The following EPS8 variants were observed in gnomAD, a reference collection of about 807,000 sequenced individuals.
EPS8 encodes EGFR pathway substrate 8, signaling adaptor, also known as epidermal growth factor receptor kinase substrate 8.
In EPS8, 42 loss-of-function variants were observed where a neutral mutation model predicts 103.8. The observed-to-expected ratio is 0.40, with a 90% CI of 0.32 to 0.52. The LOEUF is 0.52. Among genes scored for constraint, EPS8 ranks in the 20% least tolerant of loss-of-function variants. The pLI is 0.40. For synonymous variants in EPS8, 344 were observed against 344.6 expected, an observed-to-expected ratio of 1.00 and a Z score of 0.02; for missense variants, 969 against 1,005.1, an observed-to-expected ratio of 0.96 and a Z score of 0.49.
intron 17 of EPS8, among the ~76,000 whole-genome samples, chr12:15,640,261 T>C (rs1945205680): frequency 6.6e-6 from 1 of 152,124 alleles, no homozygotes; most frequent in Non-Finnish European, 1.5e-5. Context: ...GAGTGCAAGT[T>C]CAAGGCTGGT....
rs1946719681 is a variant in EPS8, at chr12:15,731,829, T to C, written c.-21-48857A>G. Among the ~76,000 whole-genome samples the C allele has an allele frequency of 6.6e-6, 1 of 152,086 alleles. No homozygotes were observed. The highest frequency in any genetic ancestry group is 2.1e-4 in the South Asian group (1 of 4,832). On this transcript the variant is annotated intron_variant, in intron 1 of 20. Coordinates refer to ENST00000281172, the MANE Select transcript of EPS8 (RefSeq NM_004447.6). This position sits in a 1 kb window ranked among gnomAD's most constrained non-coding sequence, Gnocchi z 5.1. ...ACAGCTTGTGCAGTCATATTCTGAA[T>C]GAAAAACAGAAGATAAAGTGTGTGT... is the stretch of plus-strand genomic sequence containing the variant.
At chr12:15,639,144 T>C (rs532766309) in intron 17 of EPS8, among the ~76,000 whole-genome samples, 2 of 152,364 alleles carry the variant, frequency 1.3e-5, no homozygotes, top group East Asian at 1.9e-4. Flanking sequence ...GGATATCCTT[T>C]ATGAATAGTG....
intron 1 of EPS8, among the ~76,000 whole-genome samples, chr12:15,709,522 T>G (rs1946433439): frequency 6.6e-6 from 1 of 152,224 alleles, no homozygotes; most frequent in African/African-American, 2.4e-5. Flanking sequence ...AGTTACACAC[T>G]GGACATTGAA....
intron 1 of EPS8, among the ~76,000 whole-genome samples, chr12:15,705,752 G>A (rs1164809477): frequency 6.6e-6 from 1 of 152,136 alleles, no homozygotes; most frequent in Non-Finnish European, 1.5e-5. Context: ...TCTTGGAAAT[G>A]AGCCCAGTGA....
At chr12:15,621,844 C>G (rs555537360) in intron 20 of EPS8, among the ~76,000 whole-genome samples, 1 of 152,242 alleles carries the variant, frequency 6.6e-6, no homozygotes, top group South Asian at 2.1e-4. Flanking sequence ...TCAGAATTCA[C>G]CCAGTTTCCC....
intron 12 of EPS8, among the ~76,000 whole-genome samples, chr12:15,656,882 A>G (rs1370317963): frequency 6.6e-6 from 1 of 152,156 alleles, no homozygotes; most frequent in Non-Finnish European, 1.5e-5. Context: ...GCTCTTGCAC[A>G]GTATATCCAA....
rs1004549613 is a variant in EPS8, at chr12:15,623,300, A to G, written c.2226-13T>C. 9 of 1,577,634 alleles carry G rather than the reference A, an allele frequency of 5.7e-6. No homozygotes were observed. The African/African-American group carries it at 1.1e-4, about 19-fold the overall frequency. ...ACTATTGACAGTCCTAAAAAAAAAA[A>G]AAGGAAAAAGAAACTGAGCATTAAA... is the stretch of plus-strand genomic sequence containing the variant. On this transcript the variant is annotated splice_polypyrimidine_tract_variant and intron_variant, in intron 19 of 20. Transcript: ENST00000281172.
At chr12:15,672,495 C>T (rs1368683241) in intron 3 of EPS8, 2 of 398,298 alleles carry the variant, frequency 5.0e-6, no homozygotes, top group African/African-American at 4.1e-5. Flanking sequence ...GAAGTATGAT[C>T]CATCTGGTCC....
rs551829415 is a variant in EPS8 at position 15,626,561 on chromosome 12, G to A, written c.2045-2154C>T. On this transcript the variant is annotated intron_variant, in intron 18 of 20. Coordinates refer to ENST00000281172, the MANE Select transcript of EPS8 (RefSeq NM_004447.6). ...GGAGAATCTCTTGAACCCAGGAGGC[G>A]GAGGTTGCAGTGTGCCAAGATAGCG... Among the ~76,000 whole-genome samples, 116 of 151,064 alleles carry A rather than the reference G, an allele frequency of 7.7e-4. 1 individual carries two copies. The highest frequency in any genetic ancestry group is 2.6e-3 in the African/African-American group (105 of 41,088).
chr12:15,677,240 A>T (rs1429038181), intron 3 of EPS8, among the ~76,000 whole-genome samples: 1 of 152,158 alleles, frequency 6.6e-6, no homozygotes, highest in East Asian at 1.9e-4. Flanking sequence ...CTTACCACAG[A>T]ATTATTATCA....
chr12:15,673,285 C>A (rs1945847428), intron 3 of EPS8, among the ~76,000 whole-genome samples: 1 of 151,924 alleles, frequency 6.6e-6, no homozygotes, highest in African/African-American at 2.4e-5. Context: ...TTTTAAAGAT[C>A]CTAAAAATGT....
At chr12:15,746,318 A>G (rs902405428) in intron 1 of EPS8, among the ~76,000 whole-genome samples, 6 of 152,002 alleles carry the variant, frequency 3.9e-5, no homozygotes, top group African/African-American at 1.5e-4. Context: ...CTAATCAAAC[A>G]TTTCTGCTTG....
intron 3 of EPS8, among the ~76,000 whole-genome samples, chr12:15,676,746 G>C (rs892838323): frequency 6.6e-5 from 10 of 152,176 alleles, no homozygotes; most frequent in Admixed American, 1.3e-4. Flanking sequence ...CTGGAGGAGA[G>C]AGAAATTAAT....
chr12:15,674,663 G>A (rs970908559), intron 3 of EPS8, among the ~76,000 whole-genome samples: 44 of 152,132 alleles, frequency 2.9e-4, no homozygotes, highest in African/African-American at 1.1e-3. Flanking sequence ...GATTCCATGA[G>A]GTAAAAAGGA....
rs11056609 is a variant in EPS8 at position 15,734,215 on chromosome 12, T to A, written c.-21-51243A>T. Among the ~76,000 whole-genome samples, 22 of 152,318 alleles carry A rather than the reference T, an allele frequency of 1.4e-4. 1 individual carries two copies. In the East Asian group the frequency reaches 4.0e-3, roughly 28 times the overall value. The stretch of plus-strand genomic sequence containing the variant: ...TTCAAGTGATGTGTAGTTCTAAAAA[T>A]GTCAATGCTTTCAAGACCATATAAT... On this transcript the variant is annotated intron_variant, in intron 1 of 20. Transcript: ENST00000281172. The surrounding 1 kb of genome is among the most constrained non-coding windows in gnomAD (Gnocchi z 4.1).
intron 17 of EPS8, among the ~76,000 whole-genome samples, chr12:15,636,624 C>G (rs1359481639): frequency 6.6e-6 from 1 of 152,052 alleles, no homozygotes; most frequent in Non-Finnish European, 1.5e-5. Flanking sequence ...CCAGAAACTG[C>G]CATTATTTAT....
chr12:15,680,113 T>A (rs1051885121), intron 3 of EPS8, among the ~76,000 whole-genome samples: 10 of 152,168 alleles, frequency 6.6e-5, no homozygotes, highest in African/African-American at 2.4e-4. Context: ...ACAATCAGAT[T>A]AATAAGGCTA....
chr12:15,680,029 T>A (rs1197672084), intron 3 of EPS8, among the ~76,000 whole-genome samples: 1 of 152,146 alleles, frequency 6.6e-6, no homozygotes, highest in African/African-American at 2.4e-5. Context: ...ATTGAATACA[T>A]TCTCTAGATC....
At chr12:15,680,330 T>C (rs141773924) in intron 3 of EPS8, among the ~76,000 whole-genome samples, 1 of 152,274 alleles carries the variant, frequency 6.6e-6, no homozygotes, top group Non-Finnish European at 1.5e-5. Flanking sequence ...TAGCACATAA[T>C]ATCGATAATA....
Sources: gnomAD v4.1 joint callset for allele counts (sites outside exome capture counted in the v4.1 genomes callset) on GRCh38, gnomAD v4.1.1 for gene constraint, Gnocchi (gnomAD v3.1) non-coding constraint, MANE v1.5 for transcripts, NCBI Gene and HGNC (gene_info 2026-07-23, HGNC 2026-07-21) for gene names.